RORA: variants seen among roughly 807,000 people sequenced by gnomAD.
RORA encodes nuclear receptor ROR-alpha.
RORA carries 7 observed loss-of-function variants against 69.5 expected under a neutral mutation model. The observed-to-expected ratio is 0.10, with a 90% confidence interval of 0.06 to 0.19. The LOEUF is 0.19. RORA is among the 10% of genes least tolerant of loss of function. RORA has a pLI of 1.00. For synonymous variants in RORA, 261 were observed against 240.8 expected, an observed-to-expected ratio of 1.08 and a Z score of -0.78; for missense variants, 457 against 663.0, an observed-to-expected ratio of 0.69 and a Z score of 3.41.
At chr15:60,521,798 C>T (rs1439619101) in intron 3 of RORA, among the ~76,000 whole-genome samples, 1 of 152,188 alleles carries the variant, frequency 6.6e-6, no homozygotes, top group Admixed American at 6.5e-5. Flanking sequence ...TTCTCGATTT[C>T]CTGACACAGA....
At chr15:60,885,448 C>T (rs1047686299) in intron 1 of RORA, among the ~76,000 whole-genome samples, 1 of 152,198 alleles carries the variant, frequency 6.6e-6, no homozygotes, top group Non-Finnish European at 1.5e-5. Context: ...TGATGCTAGG[C>T]AGAACAGAAG....
rs1055861225 is a variant in RORA, at chr15:60,892,965, T to C, written c.167-214279A>G. Among the ~76,000 whole-genome samples the C allele has an allele frequency of 7.2e-5, 11 of 152,356 alleles. No homozygotes were observed. The South Asian group carries it at 2.3e-3, about 32-fold the overall frequency. ...TGGTGAGAAACACATAACATTTGCC[T>C]GCCCACCCCCTCTCCCATTGCCCTC... On this transcript the variant is annotated intron_variant, in intron 1 of 10. Transcript: ENST00000335670.
intron 1 of RORA, among the ~76,000 whole-genome samples, chr15:60,717,082 T>G (rs1414890045): frequency 6.6e-6 from 1 of 152,168 alleles, no homozygotes; most frequent in African/African-American, 2.4e-5. Flanking sequence ...GGGGCAGTTG[T>G]GGGAACTGAG....
chr15:60,539,310 A>G (rs2066783429), intron 2 of RORA, among the ~76,000 whole-genome samples: 1 of 152,188 alleles, frequency 6.6e-6, no homozygotes, highest in Non-Finnish European at 1.5e-5. Context: ...TTTGTAATAT[A>G]TTTCCATCCC....
chr15:60,946,014 A>G (rs1449263374), intron 1 of RORA, among the ~76,000 whole-genome samples: 1 of 152,120 alleles, frequency 6.6e-6, no homozygotes, highest in Non-Finnish European at 1.5e-5. Context: ...TCTAGCACTC[A>G]GGTGGGTTAT....
At chr15:60,569,261 TAAAA>T (rs60382168) in intron 2 of RORA, among the ~76,000 whole-genome samples, 3 of 89,640 alleles carry the variant, frequency 3.3e-5, no homozygotes, top group Non-Finnish European at 7.9e-5. Context: ...TTTAAAAAAT[TAAAA>T]AAAAAAAAAA....
At chr15:61,169,601 T>C (rs1429645542) in intron 1 of RORA, among the ~76,000 whole-genome samples, 3 of 151,832 alleles carry the variant, frequency 2.0e-5, no homozygotes, top group Middle Eastern at 3.2e-3. Flanking sequence ...TTGATGTTTC[T>C]TTATTGTTGT....
chr15:60,827,408 A>G (rs904920389), intron 1 of RORA, among the ~76,000 whole-genome samples: 7 of 152,070 alleles, frequency 4.6e-5, no homozygotes, highest in African/African-American at 1.7e-4. Context: ...TCCAAAATGA[A>G]CTCATTTGTT....
chr15:61,084,530 T>A (rs1281842120), intron 1 of RORA, among the ~76,000 whole-genome samples: 1 of 152,228 alleles, frequency 6.6e-6, no homozygotes, highest in African/African-American at 2.4e-5. Context: ...ACTTGCTATA[T>A]CTTCTTAGAA....
chr15:60,633,540 A>G (rs1318276889), intron 2 of RORA, among the ~76,000 whole-genome samples: 1 of 152,238 alleles, frequency 6.6e-6, no homozygotes, highest in African/African-American at 2.4e-5. Flanking sequence ...CCCCTTCCTA[A>G]GAGAGTTCAG....
intron 1 of RORA, among the ~76,000 whole-genome samples, chr15:61,183,613 C>G (rs2079710331): frequency 6.6e-6 from 1 of 151,962 alleles, no homozygotes; most frequent in African/African-American, 2.4e-5. Context: ...CTTTCAAACC[C>G]TTGTTAGAAT....
chr15:60,993,689 T>G (rs995506167), intron 1 of RORA, among the ~76,000 whole-genome samples: 1 of 150,454 alleles, frequency 6.6e-6, no homozygotes, highest in African/African-American at 2.4e-5. Context: ...ACCTTAAATG[T>G]TGTAGATACA....
intron 2 of RORA, among the ~76,000 whole-genome samples, chr15:60,587,562 T>C (rs1205223403): frequency 6.6e-6 from 1 of 152,204 alleles, no homozygotes; most frequent in East Asian, 1.9e-4. Context: ...CTGATGGGAC[T>C]ATCAGTGACT....
intron 1 of RORA, among the ~76,000 whole-genome samples, chr15:61,052,174 T>C (rs1315529211): frequency 6.6e-6 from 1 of 152,210 alleles, no homozygotes; most frequent in Non-Finnish European, 1.5e-5. Flanking sequence ...ACACAGAGAA[T>C]GATCAGTGTT....
At chr15:60,944,683 C>T (rs1892811741) in intron 1 of RORA, among the ~76,000 whole-genome samples, 1 of 137,888 alleles carries the variant, frequency 7.3e-6, no homozygotes, top group Non-Finnish European at 1.6e-5. Context: ...TGAGATCATA[C>T]CACTGTACTC....
chr15:60,979,269 T>A (rs1326804242), intron 1 of RORA, among the ~76,000 whole-genome samples: 1 of 16,436 alleles, frequency 6.1e-5, no homozygotes, highest in Non-Finnish European at 1.6e-4. Context: ...TAGCCCTTGC[T>A]TTTTTTTTTT....
intron 1 of RORA, among the ~76,000 whole-genome samples, chr15:60,941,368 C>T (rs1892691418): frequency 6.6e-6 from 1 of 152,244 alleles, no homozygotes; most frequent in Non-Finnish European, 1.5e-5. Flanking sequence ...TGCTCAACTC[C>T]AAGCTCTTTA....
chr15:60,533,254 G>T (rs2141458991), intron 2 of RORA, among the ~76,000 whole-genome samples: 1 of 152,268 alleles, frequency 6.6e-6, no homozygotes, highest in East Asian at 1.9e-4. Flanking sequence ...CTTGCATACT[G>T]AGTTTCTTTG....
At chr15:60,853,989 C>T (rs1187591866) in intron 1 of RORA, among the ~76,000 whole-genome samples, 2 of 152,040 alleles carry the variant, frequency 1.3e-5, no homozygotes, top group Non-Finnish European at 2.9e-5. Context: ...TACAGTGGGG[C>T]GTGGTGGCTT....
Sources: allele counts gnomAD v4.1 joint callset (sites outside exome capture counted in the v4.1 genomes callset), GRCh38; gene constraint gnomAD v4.1.1; transcripts MANE v1.5; gene names NCBI Gene and HGNC (gene_info 2026-07-23, HGNC 2026-07-21).